ZC2HC1A: variants seen among roughly 807,000 people sequenced by gnomAD.
ZC2HC1A encodes zinc finger C2HC-type containing 1A.
Under a neutral mutation model 40.7 loss-of-function variants are expected in ZC2HC1A, and 28 were observed. That is an observed-to-expected ratio of 0.69 (90% CI 0.51 to 0.94). The LOEUF is 0.94. Ranked by LOEUF, ZC2HC1A falls within the 40% of genes least tolerant of loss-of-function variation. The probability of loss-of-function intolerance (pLI) is 0.00; values close to 1 mark genes in which losing one functional copy is unlikely to be tolerated. For synonymous variants in ZC2HC1A, 129 were observed against 129.2 expected, an observed-to-expected ratio of 1.00 and a Z score of 0.01; for missense variants, 389 against 386.3, an observed-to-expected ratio of 1.01 and a Z score of -0.06.
intron 5 of ZC2HC1A, among the ~76,000 whole-genome samples, chr8:78,693,542 G>A (rs1181131657): frequency 1.3e-5 from 2 of 152,108 alleles, no homozygotes; most frequent in Non-Finnish European, 1.5e-5. Flanking sequence ...TTTGAGAAGT[G>A]TCTGTTCATA....
At chr8:78,678,509 G>A in intron 2 of ZC2HC1A, 54 bp from the exon 3 acceptor site, 1 of 1,425,092 alleles carries the variant, frequency 7.0e-7, no homozygotes, top group Non-Finnish European at 9.7e-7. Flanking sequence ...AAGTTCTGTA[G>A]TCTTACCTTC....
At chr8:78,668,212 A>C (rs1322762075) in intron 1 of ZC2HC1A, among the ~76,000 whole-genome samples, 1 of 152,054 alleles carries the variant, frequency 6.6e-6, no homozygotes, top group Non-Finnish European at 1.5e-5. Context: ...TCAAACTCTG[A>C]GTCTTAAGGT....
intron 3 of ZC2HC1A, among the ~76,000 whole-genome samples, chr8:78,685,041 A>G (rs1413968737): frequency 2.0e-5 from 3 of 152,194 alleles, no homozygotes; most frequent in Non-Finnish European, 4.4e-5. Flanking sequence ...AAAGCTTAAT[A>G]AAATATTAGC....
chr8:78,711,351 C>T (rs1417970902), intron 7 of ZC2HC1A, among the ~76,000 whole-genome samples: 1 of 151,940 alleles, frequency 6.6e-6, no homozygotes, highest in African/African-American at 2.4e-5. Context: ...GATGGAGAGC[C>T]TTTATAATTT....
At position 78,714,658 on chromosome 8, in the gene ZC2HC1A, C is replaced by T. The variant is rs1208618220; in HGVS notation, c.705-563C>T. ...AATGGAGACTCATGGATGATCCAAC[C>T]AGAAGTCCCTCTGATTTCGGATAGC... On this transcript the variant is annotated intron_variant, in intron 7 of 8. Coordinates refer to ENST00000263849, the MANE Select transcript of ZC2HC1A (RefSeq NM_016010.3). Among the ~76,000 whole-genome samples the T allele has an allele frequency of 2.0e-5, 3 of 152,130 alleles. No individual in the cohort carries two copies. In the East Asian group the frequency reaches 5.8e-4, roughly 29 times the overall value.
Position 78,717,669 on chromosome 8 carries a change from T to C in ZC2HC1A, c.*176T>C. 2.1e-6 allele frequency: 1 copy of C among 474,716 alleles called. No individual in the cohort carries two copies. The highest frequency in any genetic ancestry group is 3.5e-6 in the Non-Finnish European group (1 of 282,784). 29.4% of individuals were successfully genotyped at this position (474,716 alleles called of 1,614,324 possible). A position where few individuals can be genotyped will look rare whatever the true frequency, so the allele number is the denominator to read the frequency against. On this transcript the variant is annotated 3_prime_UTR_variant, in exon 9 of 9. Coordinates refer to ENST00000263849, the MANE Select transcript of ZC2HC1A (RefSeq NM_016010.3). Reference sequence around the variant, plus strand: ...ATGTGTGTATGTTTATATGTGTACATATACTGTATATAATAAATATCTGAT... The same window carrying C: ...ATGTGTGTATGTTTATATGTGTACACATACTGTATATAATAAATATCTGAT...
intron 5 of ZC2HC1A, among the ~76,000 whole-genome samples, chr8:78,693,977 T>A (rs2130525246): frequency 6.6e-6 from 1 of 152,350 alleles, no homozygotes; most frequent in Admixed American, 6.5e-5. Flanking sequence ...CAGCACCATT[T>A]ATTAAATAGG....
chr8:78,717,436 C>T lies in ZC2HC1A; in HGVS notation c.921C>T (p.Tyr307=), dbSNP rs780581410. 1.7e-5 allele frequency: 28 copies of T among 1,612,784 alleles called. 1 individual carries two copies. In the South Asian group the frequency reaches 2.4e-4, roughly 14 times the overall value. ...PKFCHECGTK[Y]PVEWAKFCCE... is the part of the protein sequence containing the mutation. ...TCTGCCATGAGTGTGGGACTAAATACCCTGTAGAATGGGCCAAATTTTGCT... is the reference window on the plus strand; with the variant it reads ...TCTGCCATGAGTGTGGGACTAAATATCCTGTAGAATGGGCCAAATTTTGCT... Residue 307 remains tyrosine, a synonymous_variant, in exon 9 of 9, where the codon TAC becomes TAT. Transcript: ENST00000263849.
intron 1 of ZC2HC1A, among the ~76,000 whole-genome samples, chr8:78,671,537 G>T (rs1024251097): frequency 2.0e-5 from 3 of 152,128 alleles, no homozygotes; most frequent in Non-Finnish European, 2.9e-5. Context: ...GCATGCCTTG[G>T]AAAGTAATAT....
chr8:78,687,899 A>G (rs1810071765), intron 4 of ZC2HC1A, among the ~76,000 whole-genome samples: 1 of 58,264 alleles, frequency 1.7e-5, no homozygotes, highest in African/African-American at 4.2e-5. Context: ...AATAAATTAT[A>G]TATATTTATA....
intron 5 of ZC2HC1A, among the ~76,000 whole-genome samples, chr8:78,692,741 T>G (rs867698449): frequency 1.3e-5 from 2 of 152,154 alleles, no homozygotes; most frequent in African/African-American, 4.8e-5. Flanking sequence ...TTTTTTATTA[T>G]TAGTAGTATA....
intron 4 of ZC2HC1A, among the ~76,000 whole-genome samples, chr8:78,687,046 C>T (rs530413573): frequency 1.2e-4 from 19 of 152,058 alleles, no homozygotes; most frequent in African/African-American, 2.9e-4. Flanking sequence ...TCATGTGGCT[C>T]GACTACATTT....
chr8:78,672,946 G>C (rs900405377), intron 1 of ZC2HC1A, among the ~76,000 whole-genome samples: 1 of 151,584 alleles, frequency 6.6e-6, no homozygotes, highest in African/African-American at 2.4e-5. Flanking sequence ...TGTGCAGAAC[G>C]TGCAGGCTTG....
chr8:78,703,487 G>C (rs1010715538), intron 7 of ZC2HC1A, among the ~76,000 whole-genome samples: 4 of 149,390 alleles, frequency 2.7e-5, no homozygotes, highest in Non-Finnish European at 5.9e-5. Flanking sequence ...ATTTAGGATA[G>C]TTAACTTTTC....
intron 7 of ZC2HC1A, among the ~76,000 whole-genome samples, chr8:78,702,530 T>C (rs1244595095): frequency 6.6e-6 from 1 of 152,208 alleles, no homozygotes; most frequent in Non-Finnish European, 1.5e-5. Context: ...TTCTTGTTTT[T>C]CTAGTTCTTT....
intron 5 of ZC2HC1A, among the ~76,000 whole-genome samples, chr8:78,689,993 G>A (rs1035685680): frequency 6.6e-6 from 1 of 152,090 alleles, no homozygotes; most frequent in African/African-American, 2.4e-5. Context: ...GAAGTAAGGG[G>A]CAGTTTTTCC....
intron 1 of ZC2HC1A, among the ~76,000 whole-genome samples, chr8:78,674,079 G>C (rs971840186): frequency 6.6e-6 from 1 of 152,048 alleles, no homozygotes; most frequent in Non-Finnish European, 1.5e-5. Context: ...AAAAATAGGA[G>C]TTGATTTGGT....
chr8:78,712,518 A>C (rs1810983128), intron 7 of ZC2HC1A, among the ~76,000 whole-genome samples: 2 of 152,178 alleles, frequency 1.3e-5, no homozygotes, highest in South Asian at 4.1e-4. Context: ...GTGAACTATT[A>C]TAAAAAGCCC....
intron 5 of ZC2HC1A, among the ~76,000 whole-genome samples, chr8:78,692,855 A>G (rs1003071656): frequency 2.6e-5 from 4 of 152,070 alleles, no homozygotes; most frequent in Non-Finnish European, 4.4e-5. Context: ...TACATGGAGT[A>G]TATCTCCTAA....
Sources: allele counts gnomAD v4.1 joint callset (sites outside exome capture counted in the v4.1 genomes callset), GRCh38; gene constraint gnomAD v4.1.1; transcripts MANE v1.5; gene names NCBI Gene and HGNC (gene_info 2026-07-23, HGNC 2026-07-21).